Variants in PCDHGA5 observed in about 807,000 individuals in gnomAD.
PCDHGA5 encodes the protein protocadherin gamma-A5.
Under a neutral mutation model 56.7 loss-of-function variants are expected in PCDHGA5, and 36 were observed. The observed-to-expected ratio is 0.64, with a 90% confidence interval of 0.49 to 0.84. The LOEUF (loss-of-function observed/expected upper bound fraction) is 0.84. Ranked by LOEUF, PCDHGA5 falls within the 40% of genes least tolerant of loss-of-function variation. PCDHGA5 has a pLI of 0.00. For synonymous variants in PCDHGA5, 563 were observed against 520.2 expected, an observed-to-expected ratio of 1.08 and a Z score of -1.12; for missense variants, 1,305 against 1,201.5, an observed-to-expected ratio of 1.09 and a Z score of -1.27.
At chr5:141,370,460 C>G (rs373931690) in intron 1 of PCDHGA5, 43 of 1,612,562 alleles carry the variant, frequency 2.7e-5, no homozygotes, top group East Asian at 4.5e-5. Flanking sequence ...TCTTCCTGCT[C>G]TCTTTGTTAG....
chr5:141,395,066 G>GACC, intron 1 of PCDHGA5: 1 of 1,614,136 alleles, frequency 6.2e-7, no homozygotes, highest in Non-Finnish European at 8.5e-7. Flanking sequence ...CTTTCCTGCA[G>GACC]ACCTATTCCC....
Position 141,366,742 on chromosome 5 carries a change from G to C in PCDHGA5, c.2412G>C (p.Arg804=). Residue 804 remains arginine (R), a synonymous_variant, in exon 1 of 4, where the codon CGG becomes CGC. Coordinates refer to ENST00000518069, the MANE Select transcript of PCDHGA5 (RefSeq NM_018918.3). The part of the protein sequence containing the change: ...SDKVDANKEE[R]RVQQAPPNTD... Reference sequence around the variant, plus strand: ...AGGTAGATGCAAACAAAGAAGAACGGCGAGTTCAGGTTAGTTTTCTCTTTC... The same window carrying C: ...AGGTAGATGCAAACAAAGAAGAACGCCGAGTTCAGGTTAGTTTTCTCTTTC... The C allele has an allele frequency of 6.2e-7, 1 of 1,611,864 alleles. No individual in the cohort carries two copies. The highest frequency in any genetic ancestry group is 8.5e-7 in the Non-Finnish European group (1 of 1,178,358).
intron 1 of PCDHGA5, chr5:141,388,912 C>T: frequency 6.2e-7 from 1 of 1,613,946 alleles, no homozygotes; most frequent in Non-Finnish European, 8.5e-7. Flanking sequence ...GACAACGCCC[C>T]AGAAGTGATA....
rs145569377 is a variant in PCDHGA5 at position 141,455,860 on chromosome 5, ATTATTTATTTATTTAT to A, written c.2422-38908_2422-38893del. Among the ~76,000 whole-genome samples, 551 of 139,848 alleles carry A rather than the reference ATTATTTATTTATTTAT, an allele frequency of 3.9e-3. 2 individuals carry two copies. The highest frequency in any genetic ancestry group is 9.7e-3 in the South Asian group (42 of 4,344). The allele number at this position is 139,848 out of a possible 152,430, so 91.7% of individuals were successfully genotyped here. ...CTATCTGCATAAAATAATTTCTTTTATTATTTATTTATTTATTTATTTATTTATTTATTTATTTATT... is the reference window on the plus strand; with the variant it reads ...CTATCTGCATAAAATAATTTCTTTTATTATTTATTTATTTATTTATTTATT... On this transcript the variant is annotated intron_variant, in intron 1 of 3. Transcript: ENST00000518069.
intron 1 of PCDHGA5, among the ~76,000 whole-genome samples, chr5:141,443,210 G>A (rs142248407): frequency 3.2e-4 from 49 of 151,888 alleles, no homozygotes; most frequent in African/African-American, 9.4e-4. Context: ...AGCTTGTCTC[G>A]CCAGGCGCAT....
intron 1 of PCDHGA5, chr5:141,387,801 C>A: frequency 6.6e-7 from 1 of 1,509,314 alleles, no homozygotes; most frequent in Non-Finnish European, 8.9e-7. Flanking sequence ...AAAGTCCGTT[C>A]GGAGATCCAA....
At chr5:141,430,888 T>C (rs1447560622) in intron 1 of PCDHGA5, 5 of 1,605,402 alleles carry the variant, frequency 3.1e-6, no homozygotes, top group Admixed American at 1.7e-5. Context: ...AGAAAGGCTC[T>C]AGGGTGGGCG....
At chr5:141,494,365 C>A (rs193174055) in intron 1 of PCDHGA5, among the ~76,000 whole-genome samples, 20 of 152,290 alleles carry the variant, frequency 1.3e-4, no homozygotes, top group Non-Finnish European at 2.2e-4. Context: ...GCAGAGGATG[C>A]TTTGTTCCCA....
At chr5:141,468,965 T>C (rs2099187692) in intron 1 of PCDHGA5, among the ~76,000 whole-genome samples, 1 of 151,738 alleles carries the variant, frequency 6.6e-6, no homozygotes, top group Admixed American at 6.6e-5. Context: ...TTTTTTACCT[T>C]AGGCTTTTGA....
At chr5:141,434,695 AAT>A (rs1228504579) in intron 1 of PCDHGA5, among the ~76,000 whole-genome samples, 7 of 152,212 alleles carry the variant, frequency 4.6e-5, no homozygotes, top group Non-Finnish European at 8.8e-5. Flanking sequence ...GCTGTTAATA[AAT>A]ATGTGGGTAA....
Position 141,476,757 on chromosome 5 carries a change from T to C in PCDHGA5, c.2422-18050T>C. On this transcript the variant is annotated intron_variant, in intron 1 of 3. Coordinates refer to ENST00000518069, the MANE Select transcript of PCDHGA5 (RefSeq NM_018918.3). This position sits in a 1 kb window ranked among gnomAD's most constrained non-coding sequence, Gnocchi z 7.6. ...CGGGAGCCTAGTCTCCAGTTAGTGC[T>C]GACGGCGTTGGACGGAGGGACCCCA... 1.2e-6 allele frequency: 2 copies of C among 1,613,906 alleles called. No individual in the cohort carries two copies. The highest frequency in any genetic ancestry group is 1.7e-6 in the Non-Finnish European group (2 of 1,180,004).
intron 1 of PCDHGA5, chr5:141,478,866 C>G: frequency 7.7e-7 from 1 of 1,304,352 alleles, no homozygotes; most frequent in East Asian, 2.5e-5. Context: ...TCTCAGCGAT[C>G]AGAGTTTAGC....
intron 1 of PCDHGA5, chr5:141,393,568 T>G (rs549396721): frequency 1.2e-6 from 2 of 1,613,904 alleles, no homozygotes; most frequent in African/African-American, 2.7e-5. Context: ...GTGAAAGTCC[T>G]TGAGAACATG....
chr5:141,379,107 T>G (rs74510444), intron 1 of PCDHGA5: 16 of 152,328 alleles, frequency 1.1e-4, no homozygotes, highest in African/African-American at 3.6e-4. Context: ...AAAAAGCAAT[T>G]GAGAAGATAC....
At chr5:141,400,498 A>G (rs1181845890) in intron 1 of PCDHGA5, 2 of 1,614,034 alleles carry the variant, frequency 1.2e-6, no homozygotes, top group Non-Finnish European at 1.7e-6. Flanking sequence ...TTGTAATTCC[A>G]GCGAGTCGAC....
chr5:141,433,304 C>T, intron 1 of PCDHGA5: 1 of 932,004 alleles, frequency 1.1e-6, no homozygotes, highest in Non-Finnish European at 1.6e-6. Context: ...AGCAATTATC[C>T]CACCTTTGCC....
chr5:141,507,368 T>C (rs1446319165), intron 3 of PCDHGA5: 2 of 152,094 alleles, frequency 1.3e-5, no homozygotes, highest in Non-Finnish European at 2.9e-5. Context: ...GGGAGCCCTG[T>C]ACTTTTATTT....
At chr5:141,504,529 G>A (rs1333393859) in intron 2 of PCDHGA5, among the ~76,000 whole-genome samples, 1 of 151,900 alleles carries the variant, frequency 6.6e-6, no homozygotes, top group African/African-American at 2.4e-5. Context: ...TATTTTATTC[G>A]TGTCATCATG....
intron 1 of PCDHGA5, chr5:141,387,564 A>G: frequency 4.5e-6 from 2 of 442,524 alleles, no homozygotes; most frequent in Non-Finnish European, 8.0e-6. Context: ...TAGGCACACA[A>G]TTATAATTAT....
Sources: gnomAD v4.1 joint callset for allele counts (sites outside exome capture counted in the v4.1 genomes callset) on GRCh38, gnomAD v4.1.1 for gene constraint, Gnocchi (gnomAD v3.1) non-coding constraint, MANE v1.5 for transcripts, NCBI Gene and HGNC (gene_info 2026-07-23, HGNC 2026-07-21) for gene names.